The following PRSS23 variants were observed in gnomAD, a reference collection of about 807,000 sequenced individuals.
PRSS23 encodes protease, serine 23.
Under a neutral mutation model 34.7 loss-of-function variants are expected in PRSS23, and 25 were observed. The ratio of observed to expected loss-of-function variants is 0.72; its 90% CI spans 0.53 to 1.01. PRSS23 has a LOEUF of 1.01. PRSS23 is among the 50% of genes least tolerant of loss of function. PRSS23 has a pLI of 0.00. For missense variants in PRSS23, 445 were observed against 475.6 expected (o/e 0.94, Z 0.60); for synonymous variants, 176 against 186.6 (o/e 0.94, Z 0.46).
chr11:86,874,507 C>A (rs2433450), intron 2 of PRSS23, among the ~76,000 whole-genome samples: 80,631 of 151,962 alleles, frequency 0.53, 22,610 homozygotes, highest in African/African-American at 0.72. Context: ...GGACCATCCG[C>A]CAGTCATGCT....
chr11:86,939,431 T>TTTTTAAAAAATATA (rs1555084022), intron 2 of PRSS23, among the ~76,000 whole-genome samples: 1 of 141,752 alleles, frequency 7.1e-6, no homozygotes, highest in Non-Finnish European at 1.5e-5. Context: ...TATATATTTT[T>TTTTTAAAAAATATA]TAACATGAGT....
chr11:86,908,884 T>A (rs1277188495), intron 2 of PRSS23: 1 of 151,998 alleles, frequency 6.6e-6, no homozygotes, highest in Non-Finnish European at 1.5e-5. Context: ...AAATGCAGAA[T>A]TTTTAGCCCC....
In PRSS23 at chr11:86,951,908, T is replaced by A. The variant is rs546558127; in HGVS notation, c.*623T>A. ...AACAGGTTCTGCTGCCTCTTCAAAA[T>A]CACAGGATATCCTTTCCCGGCCTAC... is the stretch of plus-strand genomic sequence containing the variant. On this transcript the variant is annotated 3_prime_UTR_variant, in exon 3 of 3. Transcript: ENST00000533902. The A allele has an allele frequency of 1.9e-6, 3 of 1,613,854 alleles. No homozygotes were observed. Among genetic ancestry groups the A allele is most frequent in the African/African-American group, 2.7e-5 (2 of 75,052 alleles).
At chr11:86,902,677 C>G (rs1350829402) in intron 2 of PRSS23, among the ~76,000 whole-genome samples, 1 of 152,136 alleles carries the variant, frequency 6.6e-6, no homozygotes, top group Non-Finnish European at 1.5e-5. Context: ...TCTAGAAAGA[C>G]AGTTTAAAAA....
At chr11:86,949,997 T>TA (rs1308869878) in intron 2 of PRSS23, 7 of 152,374 alleles carry the variant, frequency 4.6e-5, no homozygotes, top group African/African-American at 1.4e-4. Context: ...CTTTAAAAAA[T>TA]AAAAAAATTT....
At chr11:86,832,831 A>G in intron 2 of PRSS23, 2 of 304,930 alleles carry the variant, frequency 6.6e-6, no homozygotes, top group Admixed American at 4.6e-5. Context: ...AGATAGGAAG[A>G]AAACCAAATA....
intron 2 of PRSS23, among the ~76,000 whole-genome samples, chr11:86,882,414 T>C (rs574588316): frequency 2.8e-4 from 42 of 152,324 alleles, no homozygotes; most frequent in African/African-American, 9.6e-4. Context: ...TGTGTCCATG[T>C]GTTCTCATTA....
Position 86,809,039 on chromosome 11 carries a change from A to T in PRSS23, c.*244A>T, listed in dbSNP as rs1056504412. 81 of 363,000 alleles carry T rather than the reference A, an allele frequency of 2.2e-4. No homozygotes were observed. The highest frequency in any genetic ancestry group is 3.1e-4 in the Non-Finnish European group (61 of 197,126). The allele number at this position is 363,000 out of a possible 1,614,324, so 22.5% of individuals were successfully genotyped here. ...TGAAGGCATACTTTTGCATAGAAAT[A>T]AAAAAAATACTGATTTGGGGCAATG... On this transcript the variant is annotated 3_prime_UTR_variant, in exon 2 of 2. Transcript: ENST00000280258.
upstream of PRSS23, chr11:86,800,342 G>T: frequency 1.5e-6 from 1 of 650,370 alleles, no homozygotes; most frequent in Non-Finnish European, 1.9e-6. Context: ...CCTGCGCAGG[G>T]ACGCTCGGCC....
intron 2 of PRSS23, among the ~76,000 whole-genome samples, chr11:86,918,312 T>C (rs1433369052): frequency 6.6e-6 from 1 of 152,210 alleles, no homozygotes; most frequent in African/African-American, 2.4e-5. Context: ...GAGAAGGTTG[T>C]TCCCTTGTTT....
At chr11:86,881,061 A>G (rs148911635) in intron 2 of PRSS23, among the ~76,000 whole-genome samples, 25 of 152,284 alleles carry the variant, frequency 1.6e-4, no homozygotes, top group African/African-American at 5.5e-4. Flanking sequence ...TACCCTGGCT[A>G]GAACCTCCAG....
At chr11:86,951,059 T>C in intron 2 of PRSS23, 1 of 1,428,592 alleles carries the variant, frequency 7.0e-7, no homozygotes. Context: ...TGAGATTCAC[T>C]GCATAAAACT....
chr11:86,882,361 T>C (rs565642252), intron 2 of PRSS23, among the ~76,000 whole-genome samples: 2 of 152,254 alleles, frequency 1.3e-5, no homozygotes, highest in South Asian at 2.1e-4. Flanking sequence ...CTCCTCCCAC[T>C]CTCCACCTTC....
At chr11:86,824,396 G>A (rs1948282120) in intron 2 of PRSS23, among the ~76,000 whole-genome samples, 3 of 130,128 alleles carry the variant, frequency 2.3e-5, no homozygotes, top group Admixed American at 7.4e-5. Flanking sequence ...ACAAAATGGA[G>A]GAAAGTAAGA....
At chr11:86,826,072 G>C (rs1487604744) in intron 2 of PRSS23, among the ~76,000 whole-genome samples, 1 of 152,086 alleles carries the variant, frequency 6.6e-6, no homozygotes. Context: ...ACCTTGGGCC[G>C]TATGGCCATT....
intron 1 of PRSS23, 65 bp downstream of exon 1, chr11:86,800,716 G>A (rs1948025238): frequency 2.2e-6 from 2 of 905,672 alleles, no homozygotes; most frequent in Admixed American, 6.2e-5. Context: ...CGGGAGGAGC[G>A]GGACAAAGGG....
At chr11:86,895,519 G>T (rs1271060648) in intron 2 of PRSS23, among the ~76,000 whole-genome samples, 1 of 100,826 alleles carries the variant, frequency 9.9e-6, no homozygotes, top group Non-Finnish European at 1.8e-5. Flanking sequence ...TCTCACTCTT[G>T]CCCAGGCTGG....
chr11:86,875,636 C>T (rs1015332754), intron 2 of PRSS23, among the ~76,000 whole-genome samples: 1 of 152,164 alleles, frequency 6.6e-6, no homozygotes, highest in Non-Finnish European at 1.5e-5. Flanking sequence ...TGACTAACAA[C>T]CCTTCGATTA....
intron 2 of PRSS23, among the ~76,000 whole-genome samples, chr11:86,839,143 G>A (rs947593155): frequency 2.0e-5 from 3 of 152,096 alleles, no homozygotes; most frequent in Non-Finnish European, 4.4e-5. Flanking sequence ...TGGAGAATGA[G>A]CTTAACGAGT....
Sources: gnomAD v4.1 joint callset for allele counts (sites outside exome capture counted in the v4.1 genomes callset) on GRCh38, gnomAD v4.1.1 for gene constraint, MANE v1.5 for transcripts, NCBI Gene and HGNC (gene_info 2026-07-23, HGNC 2026-07-21) for gene names.